SLC22A16: variants seen among roughly 807,000 people sequenced by gnomAD.
SLC22A16 encodes WUGSC:RG331P03.1.
Under a neutral mutation model 52.9 loss-of-function variants are expected in SLC22A16, and 53 were observed. That is an observed-to-expected ratio of 1.00 (90% CI 0.80 to 1.26). The LOEUF (loss-of-function observed/expected upper bound fraction) is 1.26. Ranked by LOEUF, SLC22A16 falls within the 50% of genes most tolerant of loss-of-function variation. The pLI is 0.00. For synonymous variants in SLC22A16, 291 were observed against 268.8 expected, an observed-to-expected ratio of 1.08 and a Z score of -0.81; for missense variants, 726 against 704.0, an observed-to-expected ratio of 1.03 and a Z score of -0.35.
At chr6:110,464,975 AT>A (rs1232970624) in intron 1 of SLC22A16, among the ~76,000 whole-genome samples, 2 of 152,080 alleles carry the variant, frequency 1.3e-5, no homozygotes, top group Non-Finnish European at 2.9e-5. Context: ...GGATGCCAAG[AT>A]GGTTCAACAT....
chr6:110,438,732 C>T lies in SLC22A16; in HGVS notation c.1299G>A (p.Met433Ile). 6.2e-7 allele frequency: 1 copy of T among 1,613,052 alleles called. No homozygotes were observed. The highest frequency in any genetic ancestry group is 8.5e-7 in the Non-Finnish European group (1 of 1,179,526). The change falls in exon 5 of 8, where the codon ATG (methionine) becomes ATA (isoleucine). Residue 433 changes from methionine to isoleucine, a missense_variant. Coordinates refer to ENST00000368919, the MANE Select transcript of SLC22A16 (RefSeq NM_033125.4). ...FCSALACGVV[M>I]VIPQKHYILG... ...GAAGATAACTCACCTGGGGGATCAC[C>T]ATAACGACACCACAGGCCAGTGCAC...
Position 110,424,775 on chromosome 6 carries a change from C to T in SLC22A16, c.*98G>A. The T allele has an allele frequency of 7.6e-7, 1 of 1,315,080 alleles. No individual in the cohort carries two copies. Among genetic ancestry groups the T allele is most frequent in the South Asian group, 1.5e-5 (1 of 65,592 alleles). The allele number at this position is 1,315,080 out of a possible 1,614,324, so 81.5% of individuals were successfully genotyped here. On this transcript the variant is annotated 3_prime_UTR_variant, in exon 8 of 8. Transcript: ENST00000368919. The stretch of plus-strand genomic sequence containing the variant: ...TTTCTTACAAAATTTATTAAAAAGA[C>T]ATACAAACAACATATGGGAGATGAG...
At chr6:110,426,130 C>A (rs748943758) in intron 7 of SLC22A16, among the ~76,000 whole-genome samples, 1 of 152,114 alleles carries the variant, frequency 6.6e-6, no homozygotes, top group Non-Finnish European at 1.5e-5. Context: ...TAGAAATATA[C>A]GAAATATATG....
chr6:110,468,748 T>A (rs1776161039), intron 1 of SLC22A16, among the ~76,000 whole-genome samples: 1 of 151,856 alleles, frequency 6.6e-6, no homozygotes, highest in African/African-American at 2.4e-5. Flanking sequence ...GCAGGAACAG[T>A]AGGCTGAGAA....
chr6:110,424,834 AAAT>A lies in SLC22A16; in HGVS notation c.*36_*38del. The A allele has an allele frequency of 6.2e-7, 1 of 1,611,584 alleles. No individual in the cohort carries two copies. The highest frequency in any genetic ancestry group is 2.2e-5 in the East Asian group (1 of 44,868). ...TCCTCTAATACAAAGGCATTAGGGT[AAAT>A]AATATTTCAGGTGCTAGACAGCAGG... On this transcript the variant is annotated 3_prime_UTR_variant, in exon 8 of 8. Coordinates refer to ENST00000368919, the MANE Select transcript of SLC22A16 (RefSeq NM_033125.4).
intron 4 of SLC22A16, chr6:110,440,095 C>G (rs192382915): frequency 8.5e-5 from 13 of 152,184 alleles, no homozygotes; most frequent in African/African-American, 3.1e-4. Context: ...GAATTTTGAC[C>G]TGCTCCATTT....
At chr6:110,442,885 G>T in intron 3 of SLC22A16, 110 bp from the exon 4 acceptor site, 2 of 960,838 alleles carry the variant, frequency 2.1e-6, no homozygotes, top group Non-Finnish European at 3.1e-6. Context: ...ACAAAGACTT[G>T]CTTTCTGAAA....
At chr6:110,443,686 C>T (rs1031818542) in intron 3 of SLC22A16, among the ~76,000 whole-genome samples, 34 of 152,022 alleles carry the variant, frequency 2.2e-4, no homozygotes, top group African/African-American at 8.2e-4. Context: ...GAGTATATAC[C>T]CAAAGGAATT....
intron 1 of SLC22A16, among the ~76,000 whole-genome samples, chr6:110,475,164 G>C (rs1362726894): frequency 6.6e-6 from 1 of 152,176 alleles, no homozygotes; most frequent in East Asian, 1.9e-4. Flanking sequence ...GCTTCCAGAA[G>C]GATGAAATGA....
intron 7 of SLC22A16, among the ~76,000 whole-genome samples, chr6:110,430,690 C>A (rs1381299162): frequency 6.6e-6 from 1 of 152,244 alleles, no homozygotes; most frequent in Admixed American, 6.5e-5. Flanking sequence ...GCTCACACTG[C>A]TGGAGCCCCT....
intron 1 of SLC22A16, among the ~76,000 whole-genome samples, chr6:110,460,830 A>G (rs1775853099): frequency 6.6e-6 from 1 of 152,184 alleles, no homozygotes; most frequent in Admixed American, 6.5e-5. Context: ...GAGCTGCGGG[A>G]ACCCCAGAAA....
chr6:110,442,142 A>T, intron 4 of SLC22A16, 102 bp downstream of exon 4: 1 of 1,186,796 alleles, frequency 8.4e-7, no homozygotes, highest in Non-Finnish European at 1.2e-6. Flanking sequence ...AGGGCCTATT[A>T]AAAACATTCT....
intron 1 of SLC22A16, among the ~76,000 whole-genome samples, chr6:110,457,502 G>A (rs900456272): frequency 2.6e-5 from 4 of 152,168 alleles, no homozygotes; most frequent in Non-Finnish European, 4.4e-5. Context: ...GACCGAGCAC[G>A]AGCTGTTCCA....
rs1554229887 is a variant in SLC22A16 at position 110,476,507 on chromosome 6, G to GCCCCCCCCCACC, written c.53+14_53+15insGGTGGGGGGGGG. On this transcript the variant is annotated intron_variant, in intron 1 of 7. Coordinates refer to ENST00000368919, the MANE Select transcript of SLC22A16 (RefSeq NM_033125.4). ...GCCGCCTCCCGCGTGGCGCCGCGGGGCCCCTCCCCCATACCTGCCGAAGTG... is the reference window on the plus strand; with the variant it reads ...GCCGCCTCCCGCGTGGCGCCGCGGGGCCCCCCCCCACCCCCCTCCCCCATACCTGCCGAAGTG... The GCCCCCCCCCACC allele has an allele frequency of 9.3e-7, 1 of 1,072,998 alleles. No homozygotes were observed. The highest frequency in any genetic ancestry group is 2.8e-5 in the African/African-American group (1 of 35,466). 66.5% of individuals were successfully genotyped at this position (1,072,998 alleles called of 1,614,324 possible). A position where few individuals can be genotyped will look rare whatever the true frequency, so the allele number is the denominator to read the frequency against.
At chr6:110,441,321 G>C (rs1393401354) in intron 4 of SLC22A16, among the ~76,000 whole-genome samples, 1 of 152,226 alleles carries the variant, frequency 6.6e-6, no homozygotes, top group Non-Finnish European at 1.5e-5. Flanking sequence ...TGCCAAAACA[G>C]TTGTGCCCAG....
At chr6:110,457,111 C>A in intron 1 of SLC22A16, 94 bp from the exon 2 acceptor site, 1 of 1,179,048 alleles carries the variant, frequency 8.5e-7, no homozygotes, top group South Asian at 1.7e-5. Flanking sequence ...TTTATCTTAA[C>A]ATATACACGA....
At chr6:110,456,007 A>G (rs1775637971) in intron 2 of SLC22A16, 1 of 152,464 alleles carries the variant, frequency 6.6e-6, no homozygotes, top group African/African-American at 2.4e-5. Flanking sequence ...TTGTTTGTGA[A>G]TTACCCAGTC....
intron 1 of SLC22A16, among the ~76,000 whole-genome samples, chr6:110,474,179 C>T (rs1776378075): frequency 6.6e-6 from 1 of 152,166 alleles, no homozygotes; most frequent in East Asian, 1.9e-4. Flanking sequence ...AACCATCCTC[C>T]CGACCCCACC....
rs557326655 is a variant in SLC22A16 at position 110,436,084 on chromosome 6, C to G, written c.1312-123G>C. 1.1e-4 allele frequency: 71 copies of G among 642,636 alleles called. 1 individual carries two copies. Among genetic ancestry groups the G allele is most frequent in the East Asian group, 7.3e-4 (26 of 35,708 alleles). 39.8% of individuals were successfully genotyped at this position (642,636 alleles called of 1,614,324 possible). ...AGTATTTTTTCAGAACAATGAAGACCCTTATTTTTCTGTTTGAATGTATTA... is the reference window on the plus strand; with the variant it reads ...AGTATTTTTTCAGAACAATGAAGACGCTTATTTTTCTGTTTGAATGTATTA... On this transcript the variant is annotated intron_variant, in intron 5 of 7. Coordinates refer to ENST00000368919, the MANE Select transcript of SLC22A16 (RefSeq NM_033125.4).
Sources: gnomAD v4.1 joint callset for allele counts (sites outside exome capture counted in the v4.1 genomes callset) on GRCh38, gnomAD v4.1.1 for gene constraint, MANE v1.5 for transcripts, NCBI Gene and HGNC (gene_info 2026-07-23, HGNC 2026-07-21) for gene names.